VAT1L: variants seen among roughly 807,000 people sequenced by gnomAD.
The protein encoded by VAT1L is putative NADPH-dependent quinone oxidoreductase VAT1L.
A neutral mutation model predicts 44.1 loss-of-function variants in VAT1L; 34 were observed. The ratio of observed to expected loss-of-function variants is 0.77; its 90% CI spans 0.59 to 1.03. The LOEUF (loss-of-function observed/expected upper bound fraction) is 1.03. Ranked by LOEUF, VAT1L falls within the 50% of genes least tolerant of loss-of-function variation. The probability of loss-of-function intolerance (pLI) is 0.00; values close to 1 mark genes in which losing one functional copy is unlikely to be tolerated. For synonymous variants in VAT1L, 253 were observed against 202.2 expected (o/e 1.25, Z -2.13); for missense variants, 615 against 538.8 (o/e 1.14, Z -1.40).
At chr16:77,806,100 T>C (rs1480614003) in intron 1 of VAT1L, among the ~76,000 whole-genome samples, 3 of 151,950 alleles carry the variant, frequency 2.0e-5, no homozygotes, top group Non-Finnish European at 4.4e-5. Context: ...TGACATCAGG[T>C]GATCTGCCTG....
intron 1 of VAT1L, among the ~76,000 whole-genome samples, chr16:77,795,431 A>G (rs994458833): frequency 6.6e-6 from 1 of 152,256 alleles, no homozygotes; most frequent in African/African-American, 2.4e-5. Flanking sequence ...ACAAATAGCT[A>G]AAATGTGCCA....
At chr16:77,889,824 T>C (rs2017244704) in intron 7 of VAT1L, among the ~76,000 whole-genome samples, 2 of 152,200 alleles carry the variant, frequency 1.3e-5, no homozygotes, top group African/African-American at 4.8e-5. Context: ...CAGTGGCTTA[T>C]GCCTGTAATC....
intron 2 of VAT1L, among the ~76,000 whole-genome samples, chr16:77,822,990 C>T (rs1409177071): frequency 6.6e-6 from 1 of 152,130 alleles, no homozygotes; most frequent in South Asian, 2.1e-4. Context: ...TTCACCTGAA[C>T]TCCTCATTAC....
chr16:77,823,019 A>G (rs889563489), intron 2 of VAT1L, among the ~76,000 whole-genome samples: 3 of 152,236 alleles, frequency 2.0e-5, no homozygotes, highest in Admixed American at 6.5e-5. Context: ...GAATGGTGCC[A>G]AGATCAGTCT....
chr16:77,813,770 C>A (rs2016306228), intron 1 of VAT1L, among the ~76,000 whole-genome samples: 1 of 152,192 alleles, frequency 6.6e-6, no homozygotes, highest in Non-Finnish European at 1.5e-5. Flanking sequence ...TTACAGAGAA[C>A]ACCCAGTTCT....
intron 7 of VAT1L, among the ~76,000 whole-genome samples, chr16:77,966,391 A>G (rs2018222671): frequency 6.6e-6 from 1 of 152,322 alleles, no homozygotes; most frequent in Admixed American, 6.5e-5. Flanking sequence ...ATCCAAGTCA[A>G]CAACAGCAAG....
At chr16:77,895,668 G>A (rs2017316366) in intron 7 of VAT1L, among the ~76,000 whole-genome samples, 1 of 152,210 alleles carries the variant, frequency 6.6e-6, no homozygotes, top group Non-Finnish European at 1.5e-5. Flanking sequence ...TTGCAGAACT[G>A]TAAGAGAATA....
At chr16:77,927,812 T>A (rs2017687498) in intron 7 of VAT1L, among the ~76,000 whole-genome samples, 1 of 152,050 alleles carries the variant, frequency 6.6e-6, no homozygotes, top group African/African-American at 2.4e-5. Context: ...GAGGTTACAG[T>A]GAGCCGAGAT....
chr16:77,789,095 C>A (rs1306834107), intron 1 of VAT1L, among the ~76,000 whole-genome samples, 180 bp downstream of exon 1: 1 of 152,068 alleles, frequency 6.6e-6, no homozygotes, highest in South Asian at 2.1e-4. Flanking sequence ...AGAGGGGCGG[C>A]CTCCCCAAGC....
intron 7 of VAT1L, among the ~76,000 whole-genome samples, chr16:77,933,651 G>C (rs72796729): frequency 0.33 from 50,383 of 152,126 alleles, 8,482 homozygotes; most frequent in South Asian, 0.41. Context: ...GAGGTGATCT[G>C]AGGAGAAGAG....
intron 7 of VAT1L, among the ~76,000 whole-genome samples, chr16:77,946,986 G>C (rs2017976436): frequency 6.6e-6 from 1 of 152,172 alleles, no homozygotes; most frequent in Admixed American, 6.5e-5. Flanking sequence ...TGTCTGTTGA[G>C]CCTGTTTTTA....
chr16:77,856,866 G>A (rs1186505117), intron 3 of VAT1L, among the ~76,000 whole-genome samples: 1 of 152,154 alleles, frequency 6.6e-6, no homozygotes, highest in Non-Finnish European at 1.5e-5. Flanking sequence ...TTGGAGTCAC[G>A]GATACCTGCA....
intron 7 of VAT1L, among the ~76,000 whole-genome samples, chr16:77,967,368 G>A (rs910367394): frequency 2.6e-5 from 4 of 152,206 alleles, no homozygotes; most frequent in African/African-American, 9.7e-5. Flanking sequence ...GAGGCTTGGT[G>A]TGTGTGGATA....
At chr16:77,854,396 C>T (rs1047921864) in intron 3 of VAT1L, among the ~76,000 whole-genome samples, 2 of 152,164 alleles carry the variant, frequency 1.3e-5, no homozygotes, top group African/African-American at 4.8e-5. Context: ...CCTTTGGTGG[C>T]AGGTCACATG....
chr16:77,816,807 G>T (rs1042823194), intron 1 of VAT1L, 114 bp from the exon 2 acceptor site: 2 of 1,311,770 alleles, frequency 1.5e-6, no homozygotes, highest in African/African-American at 1.5e-5. Context: ...ACAGGAAGGA[G>T]TGAAGAAGGG....
chr16:77,858,217 G>C (rs150951033), intron 3 of VAT1L, among the ~76,000 whole-genome samples: 4 of 152,086 alleles, frequency 2.6e-5, no homozygotes, highest in Non-Finnish European at 5.9e-5. Context: ...CACAAAAGGG[G>C]GCAACCAACT....
intron 7 of VAT1L, 99 bp from the exon 8 acceptor site, chr16:77,971,751 C>G: frequency 7.7e-7 from 1 of 1,290,958 alleles, no homozygotes; most frequent in Non-Finnish European, 1.1e-6. Context: ...CCGCAGCGCC[C>G]TCTGGTGGTC....
chr16:77,849,580 A>G (rs2016788763), intron 3 of VAT1L, among the ~76,000 whole-genome samples: 1 of 152,174 alleles, frequency 6.6e-6, no homozygotes, highest in Admixed American at 6.5e-5. Context: ...TTAACTTTGA[A>G]AGTTTGTCAT....
intron 7 of VAT1L, among the ~76,000 whole-genome samples, chr16:77,902,656 C>T (rs561505405): frequency 1.4e-5 from 2 of 140,638 alleles, no homozygotes; most frequent in Non-Finnish European, 1.5e-5. Context: ...ATCAATCAAT[C>T]AATCAATGGA....
Sources: allele counts gnomAD v4.1 joint callset (sites outside exome capture counted in the v4.1 genomes callset), GRCh38; gene constraint gnomAD v4.1.1; transcripts MANE v1.5; gene names NCBI Gene and HGNC (gene_info 2026-07-23, HGNC 2026-07-21).